Variants in VPS13A observed in about 807,000 individuals in gnomAD.
The protein encoded by VPS13A is vacuolar protein sorting 13 homolog A.
In VPS13A, 264 loss-of-function variants were observed where a neutral mutation model predicts 390.9. The observed-to-expected ratio is 0.68, with a 90% CI of 0.61 to 0.75. The LOEUF (loss-of-function observed/expected upper bound fraction) is 0.75. Among genes scored for constraint, VPS13A ranks in the 30% least tolerant of loss-of-function variants. VPS13A has a pLI of 0.00. For synonymous variants in VPS13A, 1,231 were observed against 1,227.1 expected (o/e 1.00, Z -0.07); for missense variants, 3,409 against 3,733.9 (o/e 0.91, Z 2.27).
intron 33 of VPS13A, among the ~76,000 whole-genome samples, chr9:77,302,348 G>A (rs1564709206): frequency 6.9e-6 from 1 of 145,514 alleles, no homozygotes; most frequent in Non-Finnish European, 1.5e-5. Context: ...AAATTGTATC[G>A]AAAAATACAT....
intron 68 of VPS13A, chr9:77,389,763 G>C (rs558668986): frequency 6.6e-6 from 1 of 152,062 alleles, no homozygotes; most frequent in Admixed American, 6.5e-5. Flanking sequence ...GTCCTTCATT[G>C]TGTCTGAATG....
At chr9:77,362,543 C>A (rs1479436685) in intron 59 of VPS13A, among the ~76,000 whole-genome samples, 1 of 152,210 alleles carries the variant, frequency 6.6e-6, no homozygotes, top group East Asian at 1.9e-4. Context: ...GAAATTGGGA[C>A]ATATGTATCT....
chr9:77,252,037 T>C (rs1182281320), intron 21 of VPS13A, among the ~76,000 whole-genome samples, 198 bp from the exon 22 acceptor site: 1 of 152,168 alleles, frequency 6.6e-6, no homozygotes, highest in Non-Finnish European at 1.5e-5. Flanking sequence ...GGTATGTGGT[T>C]GGTGTAGTGA....
intron 17 of VPS13A, among the ~76,000 whole-genome samples, chr9:77,230,246 A>G (rs1468830804): frequency 6.6e-6 from 1 of 151,970 alleles, no homozygotes; most frequent in Non-Finnish European, 1.5e-5. Context: ...TGGTGAAGTC[A>G]AATTTATATT....
At chr9:77,225,705 A>G (rs962922261) in intron 13 of VPS13A, among the ~76,000 whole-genome samples, 2 of 152,100 alleles carry the variant, frequency 1.3e-5, no homozygotes, top group African/African-American at 4.8e-5. Flanking sequence ...GTATTATTTC[A>G]TTTTTCAAAA....
chr9:77,335,611 A>G (rs1256047006), intron 46 of VPS13A, among the ~76,000 whole-genome samples: 2 of 152,246 alleles, frequency 1.3e-5, no homozygotes, highest in East Asian at 1.9e-4. Context: ...AAAGCTCATC[A>G]TTACTGGTCA....
intron 53 of VPS13A, among the ~76,000 whole-genome samples, chr9:77,352,606 TAAATC>T (rs932411405): frequency 6.6e-6 from 1 of 152,164 alleles, no homozygotes; most frequent in Non-Finnish European, 1.5e-5. Context: ...CTTATAAAGA[TAAATC>T]AGACATTCAC....
chr9:77,392,254 C>A (rs1404311865), intron 68 of VPS13A, among the ~76,000 whole-genome samples: 2 of 152,028 alleles, frequency 1.3e-5, no homozygotes, highest in East Asian at 3.8e-4. Context: ...ATATCTAAAT[C>A]CATATACCAA....
intron 26 of VPS13A, among the ~76,000 whole-genome samples, chr9:77,277,048 C>G (rs17422967): frequency 2.6e-5 from 4 of 152,014 alleles, no homozygotes; most frequent in Non-Finnish European, 5.9e-5. Flanking sequence ...CTTTTGTGTT[C>G]GTAATGGATA....
Position 77,340,557 on chromosome 9 carries a change from A to G in VPS13A, c.7026+7A>G, listed in dbSNP as rs955350405. On this transcript the variant is annotated splice_region_variant and intron_variant, in intron 50 of 71. Coordinates refer to ENST00000360280, the MANE Select transcript of VPS13A (RefSeq NM_033305.3). ...CTCTCTTGATTTGGAGCAGGTGGGT[A>G]GATGAATTTCAAAAATATACCTCTT... is the stretch of plus-strand genomic sequence containing the variant. The G allele has an allele frequency of 1.9e-6, 3 of 1,611,894 alleles. No homozygotes were observed. In the African/African-American group the frequency reaches 4.0e-5, roughly 22 times the overall value.
At chr9:77,244,491 C>T (rs961772336) in intron 19 of VPS13A, among the ~76,000 whole-genome samples, 21 of 152,112 alleles carry the variant, frequency 1.4e-4, no homozygotes, top group Non-Finnish European at 1.5e-5. Flanking sequence ...TCACTGCCCT[C>T]GTTCTGCTGT....
intron 19 of VPS13A, among the ~76,000 whole-genome samples, chr9:77,245,599 C>T (rs1417510523): frequency 1.3e-5 from 2 of 152,170 alleles, no homozygotes; most frequent in Admixed American, 1.3e-4. Context: ...TAAGAGATTT[C>T]ACTTGAATTT....
chr9:77,373,319 A>G (rs1220135287), intron 67 of VPS13A, among the ~76,000 whole-genome samples: 2 of 147,478 alleles, frequency 1.4e-5, no homozygotes, highest in East Asian at 4.0e-4. Context: ...CAGAGCCCTC[A>G]GAAATAACGC....
rs185746598 is a variant in VPS13A, at chr9:77,229,160, T to G, written c.1595+896T>G. On this transcript the variant is annotated intron_variant, in intron 17 of 71. Coordinates refer to ENST00000360280, the MANE Select transcript of VPS13A (RefSeq NM_033305.3). ...GTGGTAGGGTCTTGGCTCACTGCAGTCTCTGCTTCCTGGGCTCAGGCTAAC... is the reference window on the plus strand; with the variant it reads ...GTGGTAGGGTCTTGGCTCACTGCAGGCTCTGCTTCCTGGGCTCAGGCTAAC... 1.7e-3 allele frequency among the ~76,000 whole-genome samples: 265 copies of G among 152,114 alleles called. 1 individual carries two copies. The highest frequency in any genetic ancestry group is 5.8e-3 in the African/African-American group (241 of 41,534).
intron 19 of VPS13A, among the ~76,000 whole-genome samples, chr9:77,246,405 T>C (rs1214424150): frequency 6.6e-6 from 1 of 152,188 alleles, no homozygotes; most frequent in African/African-American, 2.4e-5. Flanking sequence ...GAACATGTAT[T>C]CTTTAATAAT....
chr9:77,323,268 A>C, intron 45 of VPS13A, 41 bp downstream of exon 45: 1 of 1,603,612 alleles, frequency 6.2e-7, no homozygotes, highest in South Asian at 1.1e-5. Flanking sequence ...TGTTATGCAT[A>C]TCTGTGTGCT....
intron 67 of VPS13A, among the ~76,000 whole-genome samples, chr9:77,379,585 G>A (rs1833319056): frequency 6.6e-6 from 1 of 151,896 alleles, no homozygotes; most frequent in Non-Finnish European, 1.5e-5. Flanking sequence ...TGTTGGCCAG[G>A]CTTGTCTTGA....
intron 1 of VPS13A, among the ~76,000 whole-genome samples, chr9:77,199,408 A>C (rs1374067913): frequency 6.6e-6 from 1 of 152,142 alleles, no homozygotes; most frequent in Non-Finnish European, 1.5e-5. Flanking sequence ...ATGTTATAGC[A>C]GTGTATTTTA....
chr9:77,329,881 A>G (rs1322612886), intron 45 of VPS13A, among the ~76,000 whole-genome samples: 2 of 152,204 alleles, frequency 1.3e-5, no homozygotes, highest in Non-Finnish European at 1.5e-5. Flanking sequence ...CAGCACTGCC[A>G]GTATTTATCT....
Sources: allele counts gnomAD v4.1 joint callset (sites outside exome capture counted in the v4.1 genomes callset), GRCh38; gene constraint gnomAD v4.1.1; transcripts MANE v1.5; gene names NCBI Gene and HGNC (gene_info 2026-07-23, HGNC 2026-07-21).